Variants in MGAT4C observed in about 807,000 individuals in gnomAD.
MGAT4C encodes the protein MGAT4 family member C, also known as alpha-1,3-mannosyl-glycoprotein 4-beta-N-acetylglucosaminyltransferase C.
MGAT4C carries 19 observed loss-of-function variants against 40.1 expected under a neutral mutation model. The ratio of observed to expected loss-of-function variants is 0.47; its 90% confidence interval spans 0.33 to 0.70. MGAT4C has a LOEUF of 0.70. Ranked by LOEUF, MGAT4C falls within the 30% of genes least tolerant of loss-of-function variation. The probability of loss-of-function intolerance (pLI) is 0.02; values close to 1 mark genes in which losing one functional copy is unlikely to be tolerated. For missense variants in MGAT4C, 491 were observed against 563.2 expected (o/e 0.87, Z 1.30); for synonymous variants, 181 against 187.1 (o/e 0.97, Z 0.27).
At chr12:86,414,486 T>C (rs1956668204) in intron 3 of MGAT4C, among the ~76,000 whole-genome samples, 2 of 152,152 alleles carry the variant, frequency 1.3e-5, no homozygotes, top group African/African-American at 2.4e-5. Flanking sequence ...AGGGCACATA[T>C]TGGTTACTTT....
chr12:85,991,343 C>G (rs773202584), intron 2 of MGAT4C, among the ~76,000 whole-genome samples: 1 of 152,142 alleles, frequency 6.6e-6, no homozygotes, highest in Non-Finnish European at 1.5e-5. Context: ...GATCCATGGA[C>G]AGCCATGGGC....
At chr12:86,452,123 TTCTACAAGGTAGAGC>T (rs1380050369) in intron 2 of MGAT4C, among the ~76,000 whole-genome samples, 1 of 152,130 alleles carries the variant, frequency 6.6e-6, no homozygotes, top group Non-Finnish European at 1.5e-5. Flanking sequence ...TTGTTTGTTT[TTCTACAAGGTAGAGC>T]TCTTCTGGCA....
At chr12:86,551,901 C>T (rs1959381509) in intron 2 of MGAT4C, among the ~76,000 whole-genome samples, 1 of 151,850 alleles carries the variant, frequency 6.6e-6, no homozygotes, top group Non-Finnish European at 1.5e-5. Flanking sequence ...CAGTGCATCC[C>T]ACCTAATGGA....
At chr12:86,743,686 A>C (rs553692163) in intron 1 of MGAT4C, among the ~76,000 whole-genome samples, 25 of 151,614 alleles carry the variant, frequency 1.6e-4, no homozygotes, top group Middle Eastern at 3.4e-3. Flanking sequence ...CAGGTTCATA[A>C]ATTTTATTAA....
At chr12:86,795,990 T>C (rs370985833) in intron 1 of MGAT4C, among the ~76,000 whole-genome samples, 12 of 152,100 alleles carry the variant, frequency 7.9e-5, no homozygotes, top group East Asian at 5.8e-4. Flanking sequence ...AGCATGGAAA[T>C]ACATATTTTC....
Position 86,742,335 on chromosome 12 carries a change from C to T in MGAT4C, c.-261-15094G>A, listed in dbSNP as rs187303886. Among the ~76,000 whole-genome samples, 519 of 151,580 alleles carry T rather than the reference C, an allele frequency of 3.4e-3. 2 individuals are homozygous for T. Among genetic ancestry groups the T allele is most frequent in the African/African-American group, 0.012 (498 of 41,444 alleles). ...GCATGTTCAGTATTTGTAGAGTATA[C>T]TTCCTTAATTGATTAATATTAAGCA... On this transcript the variant is annotated intron_variant, in intron 1 of 7. Transcript: ENST00000548651.
At chr12:86,760,480 T>C (rs1951385005) in intron 1 of MGAT4C, among the ~76,000 whole-genome samples, 1 of 152,110 alleles carries the variant, frequency 6.6e-6, no homozygotes, top group Admixed American at 6.6e-5. Flanking sequence ...TGTTACAGGC[T>C]TCCACTTCAT....
intron 1 of MGAT4C, among the ~76,000 whole-genome samples, chr12:86,124,526 C>A (rs1879943163): frequency 6.6e-6 from 1 of 152,082 alleles, no homozygotes. Flanking sequence ...TAAGTCCCAT[C>A]CTGGTAAAGC....
chr12:86,200,127 G>GTTTTTTTTTTTTTTTTTTTTTTTTTTTTT (rs56844963), intron 1 of MGAT4C, among the ~76,000 whole-genome samples: 3 of 102,354 alleles, frequency 2.9e-5, no homozygotes, highest in African/African-American at 9.7e-5. Context: ...GTATGTATTT[G>GTTTTTTTTTTTTTTTTTTTTTTTTTTTTT]TTTTTTTTTT....
At chr12:86,511,665 C>G (rs1275331340) in intron 2 of MGAT4C, among the ~76,000 whole-genome samples, 1 of 151,956 alleles carries the variant, frequency 6.6e-6, no homozygotes, top group Admixed American at 6.6e-5. Flanking sequence ...ATAGTCTCTT[C>G]AACAAATGGT....
At chr12:86,236,236 G>A (rs924526897) in intron 1 of MGAT4C, among the ~76,000 whole-genome samples, 8 of 152,152 alleles carry the variant, frequency 5.3e-5, no homozygotes, top group South Asian at 2.1e-4. Flanking sequence ...TTGATGTAGC[G>A]TCTGTACAAA....
chr12:86,749,858 T>G (rs762642310), intron 1 of MGAT4C, among the ~76,000 whole-genome samples: 1 of 151,796 alleles, frequency 6.6e-6, no homozygotes, highest in Non-Finnish European at 1.5e-5. Flanking sequence ...GTTACATGTA[T>G]GTTAATAGGC....
At chr12:85,989,263 A>G in intron 3 of MGAT4C, 137 bp downstream of exon 3, 1 of 623,822 alleles carries the variant, frequency 1.6e-6, no homozygotes, top group Non-Finnish European at 2.5e-6. Context: ...CAAAAAATAG[A>G]CAATATACAT....
chr12:86,233,460 G>A (rs1186171649), intron 1 of MGAT4C, among the ~76,000 whole-genome samples: 1 of 152,200 alleles, frequency 6.6e-6, no homozygotes. Flanking sequence ...TTTGATAGGT[G>A]ACAGCCTTGC....
intron 1 of MGAT4C, among the ~76,000 whole-genome samples, chr12:86,167,872 G>A (rs747586013): frequency 5.3e-5 from 8 of 152,216 alleles, no homozygotes; most frequent in East Asian, 3.9e-4. Context: ...TCTTAAAAGC[G>A]TAACTAAGTT....
At chr12:86,281,864 T>G (rs879673055) in intron 4 of MGAT4C, among the ~76,000 whole-genome samples, 1 of 152,124 alleles carries the variant, frequency 6.6e-6, no homozygotes, top group Non-Finnish European at 1.5e-5. Flanking sequence ...ATTTCTGGAG[T>G]ATAAATTATA....
intron 1 of MGAT4C, among the ~76,000 whole-genome samples, chr12:86,778,856 A>G (rs1218422760): frequency 6.6e-6 from 1 of 152,050 alleles, no homozygotes; most frequent in East Asian, 1.9e-4. Context: ...AAATGTTTAA[A>G]TAACCGGTTC....
chr12:86,459,795 G>GAAAC (rs1957569441), intron 2 of MGAT4C, among the ~76,000 whole-genome samples: 1 of 146,790 alleles, frequency 6.8e-6, no homozygotes, highest in South Asian at 2.2e-4. Context: ...CTTACCTACA[G>GAAAC]AAACAAACCC....
intron 3 of MGAT4C, among the ~76,000 whole-genome samples, chr12:86,385,671 A>G (rs192582330): frequency 9.2e-5 from 14 of 152,272 alleles, no homozygotes; most frequent in Admixed American, 8.5e-4. Flanking sequence ...AAAATGCACC[A>G]TGGGATTGAT....
Sources: allele counts gnomAD v4.1 joint callset (sites outside exome capture counted in the v4.1 genomes callset), GRCh38; gene constraint gnomAD v4.1.1; transcripts MANE v1.5; gene names NCBI Gene and HGNC (gene_info 2026-07-23, HGNC 2026-07-21).